COMMD10: variants seen among roughly 807,000 people sequenced by gnomAD.
COMMD10 encodes COMM domain-containing protein 10.
Under a neutral mutation model 28.9 loss-of-function variants are expected in COMMD10, and 33 were observed. The ratio of observed to expected loss-of-function variants is 1.14; its 90% CI spans 0.87 to 1.53. The LOEUF (loss-of-function observed/expected upper bound fraction) is 1.53, where lower values mean the gene tolerates loss of function less well. Among genes scored for constraint, COMMD10 ranks in the 40% most tolerant of loss-of-function variants. COMMD10 has a pLI of 0.00. For synonymous variants in COMMD10, 110 were observed against 81.7 expected, an observed-to-expected ratio of 1.35 and a Z score of -1.87; for missense variants, 310 against 233.4, an observed-to-expected ratio of 1.33 and a Z score of -2.14.
intron 5 of COMMD10, among the ~76,000 whole-genome samples, chr5:116,208,753 A>G (rs899965219): frequency 6.6e-6 from 1 of 152,178 alleles, no homozygotes; most frequent in Non-Finnish European, 1.5e-5. Context: ...GAGAACAAAC[A>G]GGGAAGTCTG....
intron 5 of COMMD10, among the ~76,000 whole-genome samples, chr5:116,256,800 A>G (rs780613131): frequency 3.3e-5 from 5 of 151,926 alleles, no homozygotes; most frequent in African/African-American, 1.2e-4. Flanking sequence ...CAAAGTTTGC[A>G]TACATTGAAT....
chr5:116,101,490 G>T (rs1376430082), intron 4 of COMMD10, among the ~76,000 whole-genome samples: 1 of 151,908 alleles, frequency 6.6e-6, no homozygotes, highest in East Asian at 1.9e-4. Context: ...GCAATGGTGT[G>T]ACCTCGGCTC....
intron 5 of COMMD10, among the ~76,000 whole-genome samples, chr5:116,222,414 G>C (rs182738859): frequency 2.6e-5 from 4 of 152,104 alleles, no homozygotes; most frequent in Non-Finnish European, 4.4e-5. Context: ...TATAGTTTCT[G>C]TACCCATTAG....
chr5:116,166,933 G>A (rs1002647375), intron 5 of COMMD10, among the ~76,000 whole-genome samples: 2 of 152,058 alleles, frequency 1.3e-5, no homozygotes, highest in African/African-American at 4.8e-5. Flanking sequence ...AAACCAGAAT[G>A]CCCATTCTCC....
intron 5 of COMMD10, among the ~76,000 whole-genome samples, chr5:116,266,076 T>C (rs149582187): frequency 0.02 from 2,987 of 151,798 alleles, 47 homozygotes; most frequent in Non-Finnish European, 0.032. Context: ...AGAAGTGTTT[T>C]AGCTGACCCT....
intron 5 of COMMD10, among the ~76,000 whole-genome samples, chr5:116,261,446 G>A (rs1220925326): frequency 6.6e-6 from 1 of 151,670 alleles, no homozygotes; most frequent in Non-Finnish European, 1.5e-5. Context: ...AAGGCTAGGA[G>A]TAATGTAGAT....
chr5:116,191,596 C>T (rs1029556000), intron 5 of COMMD10, among the ~76,000 whole-genome samples: 1 of 151,916 alleles, frequency 6.6e-6, no homozygotes, highest in African/African-American at 2.4e-5. Flanking sequence ...CTCTAGTGAC[C>T]TGGGAATCTC....
chr5:116,104,733 C>A (rs1336120977), intron 4 of COMMD10, among the ~76,000 whole-genome samples: 2 of 151,932 alleles, frequency 1.3e-5, no homozygotes, highest in Non-Finnish European at 2.9e-5. Flanking sequence ...CATTCTCCTG[C>A]CTCAGCCTCC....
At chr5:116,270,317 T>C (rs976782679) in intron 5 of COMMD10, among the ~76,000 whole-genome samples, 2 of 151,894 alleles carry the variant, frequency 1.3e-5, no homozygotes, top group African/African-American at 4.9e-5. Flanking sequence ...TTTTAACATT[T>C]TAAATATTTC....
At chr5:116,228,351 T>A (rs1377792738) in intron 5 of COMMD10, among the ~76,000 whole-genome samples, 1 of 151,938 alleles carries the variant, frequency 6.6e-6, no homozygotes, top group East Asian at 1.9e-4. Context: ...AAATTTAAAG[T>A]TCAAAAAATA....
At chr5:116,134,422 T>C (rs1751965784) in intron 5 of COMMD10, among the ~76,000 whole-genome samples, 1 of 152,144 alleles carries the variant, frequency 6.6e-6, no homozygotes, top group African/African-American at 2.4e-5. Context: ...CATATAAAAT[T>C]ATGATTTTAA....
At chr5:116,143,260 T>G (rs529694776) in intron 5 of COMMD10, among the ~76,000 whole-genome samples, 5 of 151,736 alleles carry the variant, frequency 3.3e-5, no homozygotes, top group Admixed American at 3.3e-4. Context: ...TCTACATTTA[T>G]CCATAATAAG....
At chr5:116,287,673 G>A (rs1320090383) in intron 5 of COMMD10, among the ~76,000 whole-genome samples, 2 of 151,202 alleles carry the variant, frequency 1.3e-5, no homozygotes, top group Non-Finnish European at 3.0e-5. Context: ...GTGTTTCATT[G>A]ATTTTTTTTT....
chr5:116,238,706 AG>A (rs1331789764), intron 5 of COMMD10, among the ~76,000 whole-genome samples: 1 of 152,210 alleles, frequency 6.6e-6, no homozygotes, highest in Non-Finnish European at 1.5e-5. Context: ...ACTGGCAACA[AG>A]ATGAAAATCT....
intron 2 of COMMD10, among the ~76,000 whole-genome samples, chr5:116,090,624 A>T (rs1309553794): frequency 3.3e-5 from 5 of 152,216 alleles, no homozygotes; most frequent in Admixed American, 3.3e-4. Context: ...CAGACTAAAA[A>T]TAGCAAACTG....
At chr5:116,227,316 C>T (rs1749417954) in intron 5 of COMMD10, among the ~76,000 whole-genome samples, 2 of 151,992 alleles carry the variant, frequency 1.3e-5, no homozygotes, top group South Asian at 2.1e-4. Flanking sequence ...AAACATTATT[C>T]TTACCAATAA....
At chr5:116,270,048 A>AC (rs1184993595) in intron 5 of COMMD10, among the ~76,000 whole-genome samples, 1 of 422 alleles carries the variant, frequency 2.4e-3, no homozygotes, top group Non-Finnish European at 0.05. Flanking sequence ...GACAGCATTT[A>AC]AAAAAATATT....
At chr5:116,137,036 A>C (rs1435705264) in intron 5 of COMMD10, among the ~76,000 whole-genome samples, 1 of 152,092 alleles carries the variant, frequency 6.6e-6, no homozygotes, top group Non-Finnish European at 1.5e-5. Context: ...GCCATCTCCA[A>C]GTGTTATGGT....
At chr5:116,133,995 G>A in intron 4 of COMMD10, 73 bp from the exon 5 acceptor site, 4 of 872,904 alleles carry the variant, frequency 4.6e-6, no homozygotes, top group Non-Finnish European at 7.8e-6. Context: ...CCTGCTGAGT[G>A]GAGATTTGCT....
Sources: gnomAD v4.1 joint callset for allele counts (sites outside exome capture counted in the v4.1 genomes callset) on GRCh38, gnomAD v4.1.1 for gene constraint, MANE v1.5 for transcripts, NCBI Gene and HGNC (gene_info 2026-07-23, HGNC 2026-07-21) for gene names.